The following IQSEC1 variants were observed in gnomAD, a reference collection of about 807,000 sequenced individuals.
IQSEC1 encodes IQ motif and Sec7 domain ArfGEF 1, also known as IQ motif and SEC7 domain-containing protein 1.
In IQSEC1, 31 loss-of-function variants were observed where a neutral mutation model predicts 91.0. The observed-to-expected ratio is 0.34, with a 90% CI of 0.26 to 0.46. The LOEUF (loss-of-function observed/expected upper bound fraction) is 0.46, where lower values mean the gene tolerates loss of function less well. IQSEC1 is among the 20% of genes least tolerant of loss of function. IQSEC1 has a pLI of 1.00. For missense variants in IQSEC1, 1,388 were observed against 1,575.6 expected, an observed-to-expected ratio of 0.88 and a Z score of 2.02; for synonymous variants, 699 against 662.6, an observed-to-expected ratio of 1.05 and a Z score of -0.84.
chr3:13,165,637 G>T (rs1343410927), intron 1 of IQSEC1, among the ~76,000 whole-genome samples: 3 of 150,660 alleles, frequency 2.0e-5, no homozygotes, highest in Admixed American at 2.0e-4. Flanking sequence ...GAAGCCGGCT[G>T]CCCTGTTCTG....
At position 12,920,542 on chromosome 3, in the gene IQSEC1, GTCTGGGT is replaced by G; in HGVS notation, c.1901_1907del (p.Asn634ThrfsTer13). ...TGGCGAAGGCCAGGATGAAAATGGT[GTCTGGGT>G]TCCGGAATTGCCGCACCACCCCAGG... On this transcript the variant is annotated frameshift_variant, in exon 6 of 14. Coordinates refer to ENST00000613206, the MANE Select transcript of IQSEC1 (RefSeq NM_001134382.3). LOFTEE classifies it high-confidence loss of function. 6.2e-7 allele frequency: 1 copy of G among 1,614,212 alleles called. No homozygotes were observed. The highest frequency in any genetic ancestry group is 8.5e-7 in the Non-Finnish European group (1 of 1,180,036).
intron 1 of IQSEC1, among the ~76,000 whole-genome samples, chr3:12,961,208 T>G (rs1700221230): frequency 6.6e-6 from 1 of 152,158 alleles, no homozygotes; most frequent in African/African-American, 2.4e-5. Flanking sequence ...CCTCAGAAGC[T>G]CAGCACAGGC....
At chr3:13,224,435 G>A (rs1369865695) in intron 1 of IQSEC1, among the ~76,000 whole-genome samples, 4 of 152,110 alleles carry the variant, frequency 2.6e-5, no homozygotes, top group South Asian at 2.1e-4. Context: ...GGCAGGGACC[G>A]CCTGCTGTCC....
At chr3:13,065,880 G>A (rs114681939) in intron 1 of IQSEC1, among the ~76,000 whole-genome samples, 1,676 of 152,344 alleles carry the variant, frequency 0.011, 27 homozygotes, top group African/African-American at 0.037. Context: ...TGGTCCATCC[G>A]CACAATGGAA....
rs72658710 is a variant in IQSEC1 at position 13,161,234 on chromosome 3, G to A, written c.302+2870C>T. ...TGTGGAAGCGCAGCTGCGCTGGTAG[G>A]GGTGTGGCGTCCAGGGACCACCAGG... On this transcript the variant is annotated intron_variant, in intron 2 of 15. Coordinates refer to the IQSEC1 transcript ENST00000648114. Among the ~76,000 whole-genome samples, 741 of 152,302 alleles carry A rather than the reference G, an allele frequency of 4.9e-3. 6 individuals are homozygous for A. Among genetic ancestry groups the A allele is most frequent in the African/African-American group, 0.017 (688 of 41,562 alleles).
intron 2 of IQSEC1, among the ~76,000 whole-genome samples, chr3:13,132,868 C>T (rs2124920975): frequency 6.6e-6 from 1 of 152,336 alleles, no homozygotes; most frequent in East Asian, 1.9e-4. Flanking sequence ...CAAGCGGAGA[C>T]TTCCTTTGCA....
At chr3:12,962,622 GTCATGTTC>G (rs1278834523) in intron 1 of IQSEC1, among the ~76,000 whole-genome samples, 1 of 152,254 alleles carries the variant, frequency 6.6e-6, no homozygotes, top group Non-Finnish European at 1.5e-5. Context: ...GCAGAAGCCT[GTCATGTTC>G]GCATGGGTCC....
At chr3:12,964,338 G>A (rs919873385) in intron 1 of IQSEC1, among the ~76,000 whole-genome samples, 1 of 145,264 alleles carries the variant, frequency 6.9e-6, no homozygotes, top group Non-Finnish European at 1.5e-5. Context: ...GCTTCCATGG[G>A]AGATCTCTCC....
intron 1 of IQSEC1, among the ~76,000 whole-genome samples, chr3:13,000,108 T>C (rs1702362130): frequency 6.6e-6 from 1 of 152,242 alleles, no homozygotes; most frequent in Non-Finnish European, 1.5e-5. Context: ...TTCCTCCATA[T>C]ATAAAGAGTT....
At chr3:12,959,989 A>C (rs1206245959) in intron 1 of IQSEC1, among the ~76,000 whole-genome samples, 1 of 152,136 alleles carries the variant, frequency 6.6e-6, no homozygotes, top group East Asian at 1.9e-4. Context: ...GGAACAGAGA[A>C]TTCACGTTCC....
rs1233165262 is a variant in IQSEC1, at chr3:13,105,552, AC to A, written c.303-58031del. Among the ~76,000 whole-genome samples the A allele has an allele frequency of 3.3e-5, 5 of 152,116 alleles. No homozygotes were observed. The East Asian group carries it at 7.7e-4, about 24-fold the overall frequency. ...GCTGGCAGTTGCATTTTAAAATATT[AC>A]CCAGTTAACAAAATCAACAGCCTCC... On this transcript the variant is annotated intron_variant, in intron 2 of 15. Transcript: ENST00000648114.
At chr3:13,166,635 C>G (rs1312784721) in intron 1 of IQSEC1, among the ~76,000 whole-genome samples, 1 of 152,236 alleles carries the variant, frequency 6.6e-6, no homozygotes, top group Non-Finnish European at 1.5e-5. Context: ...ACATTCCCAG[C>G]ACAGAGGCTG....
intron 1 of IQSEC1, among the ~76,000 whole-genome samples, chr3:13,065,086 T>C (rs921458361): frequency 2.6e-5 from 4 of 152,368 alleles, no homozygotes; most frequent in African/African-American, 7.2e-5. Context: ...GCTTCCTTCA[T>C]GGAGGCCCCA....
At chr3:12,915,206 C>T (rs1695962726) in intron 7 of IQSEC1, 73 bp from the exon 8 acceptor site, 2 of 1,467,082 alleles carry the variant, frequency 1.4e-6, no homozygotes, top group Non-Finnish European at 9.4e-7. Context: ...GCTGCAAGTG[C>T]CCCTCCCTAC....
At chr3:13,114,078 T>C (rs550509764) in intron 2 of IQSEC1, among the ~76,000 whole-genome samples, 1 of 152,232 alleles carries the variant, frequency 6.6e-6, no homozygotes, top group Non-Finnish European at 1.5e-5. Flanking sequence ...GCACAGAAGA[T>C]TCTGGAAGGA....
intron 1 of IQSEC1, among the ~76,000 whole-genome samples, chr3:12,978,257 C>A (rs1353560938): frequency 1.3e-5 from 2 of 152,214 alleles, no homozygotes; most frequent in African/African-American, 4.8e-5. Context: ...GCCCAGTAGG[C>A]TGACACTCAG....
chr3:12,897,786 A>G lies in IQSEC1; in HGVS notation c.*3197T>C, dbSNP rs1420840342. On this transcript the variant is annotated 3_prime_UTR_variant, in exon 14 of 14. Coordinates refer to ENST00000613206, the MANE Select transcript of IQSEC1 (RefSeq NM_001134382.3). ...TGAACATCTGCTGTCTTTTCAGCTC[A>G]TTAAGAAAAACAAGAGGCTCCTGCT... 1 of 152,252 alleles carries G rather than the reference A, an allele frequency of 6.6e-6. No individual in the cohort carries two copies. The highest frequency in any genetic ancestry group is 2.4e-5 in the African/African-American group (1 of 41,458). 9.4% of individuals were successfully genotyped at this position (152,252 alleles called of 1,614,324 possible).
intron 1 of IQSEC1, among the ~76,000 whole-genome samples, chr3:12,987,690 G>A (rs1268236757): frequency 1.3e-5 from 2 of 152,170 alleles, no homozygotes; most frequent in Admixed American, 1.3e-4. Context: ...TCTACAATGT[G>A]GATAACTGAC....
intron 1 of IQSEC1, among the ~76,000 whole-genome samples, chr3:12,988,662 C>T (rs1214218145): frequency 1.3e-5 from 2 of 152,124 alleles, no homozygotes; most frequent in African/African-American, 4.8e-5. Flanking sequence ...AGGATGACGA[C>T]AATCTCTGAG....
Sources: allele counts gnomAD v4.1 joint callset (sites outside exome capture counted in the v4.1 genomes callset), GRCh38; gene constraint gnomAD v4.1.1; transcripts MANE v1.5; gene names NCBI Gene and HGNC (gene_info 2026-07-23, HGNC 2026-07-21).